Variants in USP34 observed in about 807,000 individuals in gnomAD.
The protein encoded by USP34 is ubiquitin specific peptidase 34.
In USP34, 70 loss-of-function variants were observed where a neutral mutation model predicts 460.3. The ratio of observed to expected loss-of-function variants is 0.15; its 90% CI spans 0.13 to 0.19. USP34 has a LOEUF of 0.19. Among genes scored for constraint, USP34 ranks in the 10% least tolerant of loss-of-function variants. The pLI, the probability that USP34 is intolerant of heterozygous loss-of-function variation, is 1.00. For missense variants in USP34, 3,985 were observed against 4,236.2 expected (o/e 0.94, Z 1.65); for synonymous variants, 1,647 against 1,405.3 (o/e 1.17, Z -3.85).
chr2:61,328,499 T>C (rs1691166040), intron 20 of USP34, among the ~76,000 whole-genome samples: 1 of 151,946 alleles, frequency 6.6e-6, no homozygotes, highest in African/African-American at 2.4e-5. Context: ...GAGTAGCAAA[T>C]GTACACTTGT....
intron 2 of USP34, 48 bp from the exon 3 acceptor site, chr2:61,406,176 T>C: frequency 1.4e-6 from 2 of 1,381,758 alleles, no homozygotes; most frequent in Non-Finnish European, 1.9e-6. Context: ...GCAGCAGCTG[T>C]ATTTTTTAAT....
In USP34 at chr2:61,220,470, T is replaced by C. The variant is rs553458557; in HGVS notation, c.7900-13A>G. The C allele has an allele frequency of 1.3e-6, 2 of 1,599,594 alleles. No homozygotes were observed. Among genetic ancestry groups the C allele is most frequent in the Non-Finnish European group, 1.7e-6 (2 of 1,173,726 alleles). On this transcript the variant is annotated splice_polypyrimidine_tract_variant and intron_variant, in intron 66 of 79. Transcript: ENST00000398571. ...TGTATTCAATCACCTACAAATAACA[T>C]GACAAGAACAGAATATAAGGCCAAC...
chr2:61,266,074 C>A lies in USP34; in HGVS notation c.5527G>T (p.Ala1843Ser), dbSNP rs1410215138. ...PKCKSHSSRA[A>S]AYDLLVEMVK... ...ATCTCTACTAACAAATCGTAAGCGG[C>A]AGCTCTTGAAGAATGTGATTTGCAC... Residue 1843 changes from alanine (A) to serine (S), a missense_variant, in exon 42 of 80, where the codon GCC (alanine) becomes TCC (serine). By Grantham distance (99) the Ala-to-Ser change is moderately conservative (BLOSUM62 1). This residue lies in a region of USP34 where 1,114 missense variants were observed against 1,122.5 expected (regional missense o/e 0.99). Coordinates refer to ENST00000398571, the MANE Select transcript of USP34 (RefSeq NM_014709.4). The A allele has an allele frequency of 6.2e-7, 1 of 1,613,840 alleles. No homozygotes were observed. Among genetic ancestry groups the A allele is most frequent in the African/African-American group, 1.3e-5 (1 of 74,920 alleles).
rs189041027 is a variant in USP34 at position 61,410,543 on chromosome 2, T to C, written c.132-4415A>G. On this transcript the variant is annotated intron_variant, in intron 2 of 79. Coordinates refer to ENST00000398571, the MANE Select transcript of USP34 (RefSeq NM_014709.4). ...AGGGGCTGGGGACCCTTGCTGTACATTGCATCCATAATGCAAGGCGGAAAA... is the reference window on the plus strand; with the variant it reads ...AGGGGCTGGGGACCCTTGCTGTACACTGCATCCATAATGCAAGGCGGAAAA... Among the ~76,000 whole-genome samples, 62 of 152,328 alleles carry C rather than the reference T, an allele frequency of 4.1e-4. 1 individual carries two copies. The Middle Eastern group carries it at 0.01, about 25-fold the overall frequency.
Position 61,368,784 on chromosome 2 carries a change from A to G in USP34, c.1251+1537T>C, listed in dbSNP as rs1392283394. Among the ~76,000 whole-genome samples, 3 of 152,278 alleles carry G rather than the reference A, an allele frequency of 2.0e-5. No homozygotes were observed. The South Asian group carries it at 6.2e-4, about 32-fold the overall frequency. On this transcript the variant is annotated intron_variant, in intron 10 of 79. Coordinates refer to ENST00000398571, the MANE Select transcript of USP34 (RefSeq NM_014709.4). ...AGAAACTAAAGGAGAATTCTCTTAT[A>G]ATGTTGTGAATGGAGAAGGCATTTC...
At chr2:61,232,571 A>G (rs1333881085) in intron 57 of USP34, 39 bp from the exon 58 acceptor site, 1 of 1,485,234 alleles carries the variant, frequency 6.7e-7, no homozygotes, top group East Asian at 2.3e-5. Context: ...AACATTCAAC[A>G]AATATTTGTT....
intron 1 of USP34, among the ~76,000 whole-genome samples, chr2:61,442,557 G>C (rs1248746197): frequency 6.6e-6 from 1 of 152,030 alleles, no homozygotes; most frequent in African/African-American, 2.4e-5. Flanking sequence ...AAACCACAAT[G>C]AAGTATCTTA....
intron 1 of USP34, among the ~76,000 whole-genome samples, chr2:61,452,197 A>G (rs111519670): frequency 7.1e-4 from 108 of 151,906 alleles, no homozygotes; most frequent in African/African-American, 2.4e-3. Flanking sequence ...AAGAAAGAAA[A>G]AGACTTAATT....
intron 1 of USP34, among the ~76,000 whole-genome samples, chr2:61,444,560 G>C (rs923615038): frequency 1.3e-5 from 2 of 152,164 alleles, no homozygotes; most frequent in African/African-American, 4.8e-5. Context: ...TCACATTCAA[G>C]AAGCACTATG....
chr2:61,373,299 T>C (rs1244065311), intron 8 of USP34, among the ~76,000 whole-genome samples: 1 of 150,194 alleles, frequency 6.7e-6, no homozygotes, highest in Non-Finnish European at 1.5e-5. Context: ...CAAAATGAGA[T>C]GTAAAACAAG....
chr2:61,219,132 T>C (rs939812977), intron 67 of USP34, among the ~76,000 whole-genome samples: 2 of 152,258 alleles, frequency 1.3e-5, no homozygotes, highest in Non-Finnish European at 2.9e-5. Context: ...ATTTTATCCT[T>C]GGGGTTATAA....
intron 3 of USP34, among the ~76,000 whole-genome samples, chr2:61,404,270 AAAAC>A (rs1347920687): frequency 1.3e-5 from 2 of 152,160 alleles, no homozygotes; most frequent in Non-Finnish European, 2.9e-5. Flanking sequence ...AGACAGATAA[AAAAC>A]AAACAAAAAA....
At chr2:61,381,576 T>A (rs924469169) in intron 6 of USP34, among the ~76,000 whole-genome samples, 10 of 152,084 alleles carry the variant, frequency 6.6e-5, no homozygotes, top group Admixed American at 6.6e-4. Context: ...GCTCAGGTGA[T>A]CCTCCCGCCT....
intron 35 of USP34, among the ~76,000 whole-genome samples, chr2:61,284,583 C>G (rs1366791832): frequency 6.6e-6 from 1 of 152,070 alleles, no homozygotes; most frequent in Non-Finnish European, 1.5e-5. Context: ...AGAAAATCTC[C>G]TTGGTCTTAG....
In USP34 at chr2:61,350,109, A is replaced by G. The variant is rs1209610692; in HGVS notation, c.1507+151T>C. ...TAAAAGGTAAACCAAAACACGAACT[A>G]ATCACAGTATTAATCCTTTTATATG... On this transcript the variant is annotated intron_variant, in intron 12 of 79. Coordinates refer to ENST00000398571, the MANE Select transcript of USP34 (RefSeq NM_014709.4). The G allele has an allele frequency of 8.6e-6, 6 of 695,040 alleles. No individual in the cohort carries two copies. The Middle Eastern group carries it at 1.4e-3, about 166-fold the overall frequency. The allele number at this position is 695,040 out of a possible 1,614,324, so 43.1% of individuals were successfully genotyped here.
intron 37 of USP34, 75 bp downstream of exon 37, chr2:61,283,070 G>C: frequency 6.7e-7 from 1 of 1,488,048 alleles, no homozygotes; most frequent in South Asian, 1.2e-5. Context: ...GTTTCCATTA[G>C]CTCTTTTATT....
chr2:61,372,032 G>A (rs1692643815), intron 8 of USP34, among the ~76,000 whole-genome samples: 1 of 152,010 alleles, frequency 6.6e-6, no homozygotes, highest in Non-Finnish European at 1.5e-5. Context: ...CTGTCATTAA[G>A]TACCATATGA....
At chr2:61,190,740 A>G in intron 76 of USP34, 82 bp from the exon 77 acceptor site, 1 of 1,500,932 alleles carries the variant, frequency 6.7e-7, no homozygotes, top group Non-Finnish European at 8.9e-7. Flanking sequence ...CAGAAAAAAC[A>G]TACACTTGTG....
intron 48 of USP34, among the ~76,000 whole-genome samples, chr2:61,254,025 G>A (rs568119481): frequency 4.1e-4 from 62 of 152,306 alleles, no homozygotes; most frequent in African/African-American, 1.4e-3. Context: ...ATGTGCCACC[G>A]TGCCTGGCCT....
Sources: gnomAD v4.1 joint callset for allele counts (sites outside exome capture counted in the v4.1 genomes callset) on GRCh38, gnomAD v4.1.1 for gene constraint, gnomAD v4.1.1 regional missense constraint, MANE v1.5 for transcripts, NCBI Gene and HGNC (gene_info 2026-07-23, HGNC 2026-07-21) for gene names.